Variants in TRAF3 observed in about 807,000 individuals in gnomAD.
The protein encoded by TRAF3 is TNF receptor-associated factor 3.
A neutral mutation model predicts 62.3 loss-of-function variants in TRAF3; 13 were observed. The ratio of observed to expected loss-of-function variants is 0.21; its 90% confidence interval spans 0.14 to 0.33. The LOEUF (loss-of-function observed/expected upper bound fraction) is 0.33, where lower values mean the gene tolerates loss of function less well. Among genes scored for constraint, TRAF3 ranks in the 10% least tolerant of loss-of-function variants. The pLI is 1.00. For missense variants in TRAF3, 440 were observed against 741.8 expected, an observed-to-expected ratio of 0.59 and a Z score of 4.73; for synonymous variants, 269 against 283.4, an observed-to-expected ratio of 0.95 and a Z score of 0.51.
intron 6 of TRAF3, among the ~76,000 whole-genome samples, chr14:102,884,305 G>A (rs1054123331): frequency 6.6e-6 from 1 of 152,072 alleles, no homozygotes; most frequent in South Asian, 2.1e-4. Flanking sequence ...TTAGATTTAG[G>A]GTCTGCCCGA....
chr14:102,809,031 G>A (rs549736364), intron 1 of TRAF3: 15 of 152,278 alleles, frequency 9.9e-5, no homozygotes, highest in African/African-American at 2.2e-4. Context: ...CTGTCACCCA[G>A]GCTGGAGTGC....
At position 102,850,688 on chromosome 14, in the gene TRAF3, TAAAA is replaced by T. The variant is rs35096461; in HGVS notation, c.-17-19476_-17-19473del. Among the ~76,000 whole-genome samples, 6 of 87,482 alleles carry T rather than the reference TAAAA, an allele frequency of 6.9e-5. 1 individual carries two copies. Among genetic ancestry groups the T allele is most frequent in the Admixed American group, 1.3e-4 (1 of 7,470 alleles). The allele number at this position is 87,482 out of a possible 152,430, so 57.4% of individuals were successfully genotyped here. A position where few individuals can be genotyped will look rare whatever the true frequency, so the allele number is the denominator to read the frequency against. ...CTGGGCGATAGAGTGAGACTCCGTC[TAAAA>T]AAAAAAAAAAAAAAAAAAAAGTTAC... On this transcript the variant is annotated intron_variant, in intron 2 of 11. Transcript: ENST00000392745.
Position 102,905,883 on chromosome 14 carries a change from GT to G in TRAF3, c.*100del. On this transcript the variant is annotated 3_prime_UTR_variant, in exon 12 of 12. Coordinates refer to ENST00000392745, the MANE Select transcript of TRAF3 (RefSeq NM_145725.3). ...GTCCTCGCGCTCAGAAAAGGACCTT[GT>G]GAGACGGAGGAAGCGGCAGAAGGCG... 8.7e-7 allele frequency: 1 copy of G among 1,143,426 alleles called. No individual in the cohort carries two copies. The highest frequency in any genetic ancestry group is 1.5e-5 in the South Asian group (1 of 67,156). 70.8% of individuals were successfully genotyped at this position (1,143,426 alleles called of 1,614,324 possible). A position where few individuals can be genotyped will look rare whatever the true frequency, so the allele number is the denominator to read the frequency against.
chr14:102,779,599 A>C (rs894702125), intron 1 of TRAF3, among the ~76,000 whole-genome samples: 2 of 152,334 alleles, frequency 1.3e-5, no homozygotes, highest in African/African-American at 4.8e-5. Context: ...TGTGCAACTC[A>C]AGAAGGACCT....
intron 7 of TRAF3, among the ~76,000 whole-genome samples, chr14:102,886,491 C>A (rs534509751): frequency 5.9e-5 from 9 of 152,268 alleles, no homozygotes; most frequent in Admixed American, 5.9e-4. Flanking sequence ...CACAGTGGCT[C>A]ACACCTGTAA....
chr14:102,841,273 A>C (rs1886357844), intron 2 of TRAF3, among the ~76,000 whole-genome samples: 1 of 152,232 alleles, frequency 6.6e-6, no homozygotes, highest in Non-Finnish European at 1.5e-5. Flanking sequence ...AGAGATCTGC[A>C]GAAGGGCCCC....
chr14:102,884,512 T>C (rs1407086093), intron 6 of TRAF3, among the ~76,000 whole-genome samples: 2 of 152,032 alleles, frequency 1.3e-5, no homozygotes, highest in African/African-American at 4.8e-5. Flanking sequence ...ATGATTAATA[T>C]CAAAAATATG....
intron 3 of TRAF3, 66 bp from the exon 4 acceptor site, chr14:102,871,851 G>C: frequency 6.7e-7 from 1 of 1,495,780 alleles, no homozygotes; most frequent in Non-Finnish European, 9.3e-7. Context: ...AATGCTCCCA[G>C]AATCTCCTGA....
chr14:102,889,257 T>G lies in TRAF3; in HGVS notation c.652-303T>G, dbSNP rs1010768772. On this transcript the variant is annotated intron_variant, in intron 7 of 11. Transcript: ENST00000392745. ...AATGTGCATTTCAGTTTATGTTTTT[T>G]CTTTCTTTTTTAAATTCTGGCACTA... 2.0e-5 allele frequency among the ~76,000 whole-genome samples: 3 copies of G among 152,352 alleles called. No individual in the cohort carries two copies. In the East Asian group the frequency reaches 5.8e-4, roughly 29 times the overall value.
intron 2 of TRAF3, among the ~76,000 whole-genome samples, chr14:102,838,749 C>T (rs1886182345): frequency 6.6e-6 from 1 of 152,142 alleles, no homozygotes; most frequent in South Asian, 2.1e-4. Context: ...GGTCTACTCA[C>T]ACCCAGAGGC....
intron 1 of TRAF3, among the ~76,000 whole-genome samples, chr14:102,779,217 T>C (rs1595269964): frequency 6.7e-6 from 1 of 149,158 alleles, no homozygotes; most frequent in African/African-American, 2.5e-5. Flanking sequence ...CTGTTCCAGC[T>C]GTCAATGCAG....
intron 2 of TRAF3, among the ~76,000 whole-genome samples, chr14:102,863,476 T>A (rs1566781890): frequency 6.6e-6 from 1 of 152,200 alleles, no homozygotes; most frequent in East Asian, 1.9e-4. Flanking sequence ...GGAGCACACC[T>A]TCAACACTCA....
At chr14:102,854,820 T>TA (rs1417363721) in intron 2 of TRAF3, among the ~76,000 whole-genome samples, 1 of 136,134 alleles carries the variant, frequency 7.3e-6, no homozygotes, top group African/African-American at 2.8e-5. Context: ...TTTTTTTTTT[T>TA]AACAATGTTT....
At chr14:102,802,842 C>T (rs1898527183) in intron 1 of TRAF3, among the ~76,000 whole-genome samples, 1 of 152,018 alleles carries the variant, frequency 6.6e-6, no homozygotes, top group Non-Finnish European at 1.5e-5. Context: ...AAAAGAAATA[C>T]TCGAGACTGA....
chr14:102,899,103 A>C (rs997861352), intron 10 of TRAF3, among the ~76,000 whole-genome samples: 4 of 152,220 alleles, frequency 2.6e-5, no homozygotes, highest in African/African-American at 9.6e-5. Flanking sequence ...AAACATGTGA[A>C]AACTCTTCTC....
intron 2 of TRAF3, among the ~76,000 whole-genome samples, chr14:102,839,280 G>A (rs937300425): frequency 7.2e-5 from 10 of 139,854 alleles, no homozygotes; most frequent in South Asian, 4.6e-4. Flanking sequence ...GTGCAGTGGC[G>A]CGATCTTCGC....
intron 6 of TRAF3, 78 bp downstream of exon 6, chr14:102,876,603 A>G: frequency 6.4e-7 from 1 of 1,556,374 alleles, no homozygotes; most frequent in Middle Eastern, 2.3e-4. Context: ...CTCAATTCGT[A>G]GATAATCCGT....
chr14:102,854,153 A>G (rs1032213585), intron 2 of TRAF3, among the ~76,000 whole-genome samples: 1 of 152,128 alleles, frequency 6.6e-6, no homozygotes, highest in Admixed American at 6.5e-5. Flanking sequence ...AGTTCATTGT[A>G]TGAATAGACC....
intron 1 of TRAF3, among the ~76,000 whole-genome samples, chr14:102,808,180 G>A (rs971253830): frequency 1.2e-4 from 19 of 152,148 alleles, no homozygotes; most frequent in Non-Finnish European, 2.6e-4. Context: ...GCTGATACTG[G>A]AGCATTCCTA....
Sources: gnomAD v4.1 joint callset for allele counts (sites outside exome capture counted in the v4.1 genomes callset) on GRCh38, gnomAD v4.1.1 for gene constraint, MANE v1.5 for transcripts, NCBI Gene and HGNC (gene_info 2026-07-23, HGNC 2026-07-21) for gene names.